Variants in GRM3 observed in about 807,000 individuals in gnomAD.
GRM3 encodes glutamate metabotropic receptor 3, also known as metabotropic glutamate receptor 3.
A neutral mutation model predicts 70.5 loss-of-function variants in GRM3; 26 were observed. The observed-to-expected ratio is 0.37, with a 90% CI of 0.27 to 0.51. The LOEUF (loss-of-function observed/expected upper bound fraction) is 0.51. GRM3 is among the 20% of genes least tolerant of loss of function. The pLI, the probability that GRM3 is intolerant of heterozygous loss-of-function variation, is 0.93. For missense variants in GRM3, 859 were observed against 1,123.8 expected, an observed-to-expected ratio of 0.76 and a Z score of 3.37; for synonymous variants, 443 against 434.9, an observed-to-expected ratio of 1.02 and a Z score of -0.23.
chr7:86,799,397 TAG>T lies in GRM3; in HGVS notation c.1324+12290_1324+12291del, dbSNP rs113991571. Among the ~76,000 whole-genome samples, 10 of 152,240 alleles carry T rather than the reference TAG, an allele frequency of 6.6e-5. 1 individual carries two copies. Among genetic ancestry groups the T allele is most frequent in the African/African-American group, 2.4e-4 (10 of 41,518 alleles). On this transcript the variant is annotated intron_variant, in intron 3 of 5. Transcript: ENST00000361669. ...CTTCCAATAATATGTTTGATAGGAG[TAG>T]AGAGAGAGGGCATCCTTGTCTTGTG...
chr7:86,645,668 A>C (rs1431509785), intron 1 of GRM3, among the ~76,000 whole-genome samples: 1 of 152,148 alleles, frequency 6.6e-6, no homozygotes, highest in Non-Finnish European at 1.5e-5. Flanking sequence ...CAACACTTTT[A>C]GGTAAATATA....
chr7:86,767,686 T>TTA (rs1215252945), intron 2 of GRM3, among the ~76,000 whole-genome samples: 1 of 151,672 alleles, frequency 6.6e-6, no homozygotes, highest in Non-Finnish European at 1.5e-5. Flanking sequence ...TAGTAAGGGC[T>TTA]TATATATATG....
intron 2 of GRM3, among the ~76,000 whole-genome samples, chr7:86,771,579 T>C (rs567574199): frequency 1.3e-5 from 2 of 152,126 alleles, no homozygotes; most frequent in African/African-American, 2.4e-5. Flanking sequence ...CATTATTCTA[T>C]AGAACATTAT....
rs902057364 is a variant in GRM3, at chr7:86,779,418, G to A, written c.469-6843G>A. 1.3e-4 allele frequency among the ~76,000 whole-genome samples: 20 copies of A among 151,062 alleles called. 1 individual carries two copies. The highest frequency in any genetic ancestry group is 3.4e-3 in the Middle Eastern group (1 of 290). Reference sequence around the variant, plus strand: ...CCCCGTCGTGTGTGCATGTGCACACGTGCGCACACACACACACACACAAAC... The same window carrying A: ...CCCCGTCGTGTGTGCATGTGCACACATGCGCACACACACACACACACAAAC... On this transcript the variant is annotated intron_variant, in intron 2 of 5. Transcript: ENST00000361669.
Position 86,704,167 on chromosome 7 carries a change from C to T in GRM3, c.-141+59295C>T, listed in dbSNP as rs543887112. Among the ~76,000 whole-genome samples the T allele has an allele frequency of 1.1e-4, 16 of 152,026 alleles. No homozygotes were observed. In the South Asian group the frequency reaches 3.3e-3, roughly 32 times the overall value. On this transcript the variant is annotated intron_variant, in intron 1 of 5. Transcript: ENST00000361669. The stretch of plus-strand genomic sequence containing the variant: ...CCAAATATTTTCATATTATGTATTA[C>T]TAAAAAGTACTAGCGTTTTTCTCAT...
chr7:86,713,269 A>G (rs1025588198), intron 1 of GRM3, among the ~76,000 whole-genome samples: 2 of 151,960 alleles, frequency 1.3e-5, no homozygotes, highest in Non-Finnish European at 2.9e-5. Flanking sequence ...AGCCTTTTGT[A>G]TGTCTTCTTT....
At chr7:86,777,827 C>A (rs1347092840) in intron 2 of GRM3, among the ~76,000 whole-genome samples, 2 of 152,116 alleles carry the variant, frequency 1.3e-5, no homozygotes, top group Non-Finnish European at 2.9e-5. Flanking sequence ...GTTTAAAATA[C>A]AAGCCAATCT....
chr7:86,737,945 C>T (rs868087524), intron 1 of GRM3, among the ~76,000 whole-genome samples: 17 of 152,302 alleles, frequency 1.1e-4, no homozygotes, highest in South Asian at 2.1e-4. Flanking sequence ...ATCTATTGTG[C>T]ACATTCCCCT....
chr7:86,804,983 G>C (rs560134852), intron 3 of GRM3, among the ~76,000 whole-genome samples: 2 of 152,064 alleles, frequency 1.3e-5, no homozygotes, highest in Non-Finnish European at 2.9e-5. Context: ...GCATGGTGGA[G>C]CATGCCTGTA....
At chr7:86,698,594 C>CAT (rs1023554834) in intron 1 of GRM3, among the ~76,000 whole-genome samples, 2 of 148,362 alleles carry the variant, frequency 1.3e-5, no homozygotes, top group Admixed American at 6.8e-5. Flanking sequence ...CACACACACA[C>CAT]ATATATATAA....
chr7:86,811,513 A>G (rs1797908042), intron 3 of GRM3, among the ~76,000 whole-genome samples: 1 of 151,804 alleles, frequency 6.6e-6, no homozygotes, highest in Non-Finnish European at 1.5e-5. Flanking sequence ...GCAGCAGCTT[A>G]GATGACACTA....
At chr7:86,652,338 G>T (rs1221425191) in intron 1 of GRM3, among the ~76,000 whole-genome samples, 1 of 151,900 alleles carries the variant, frequency 6.6e-6, no homozygotes, top group African/African-American at 2.4e-5. Flanking sequence ...TGTTGTTGTT[G>T]TTCTTTTTTT....
rs546888523 is a variant in GRM3, at chr7:86,793,683, G to A, written c.1324+6567G>A. 1.6e-4 allele frequency among the ~76,000 whole-genome samples: 24 copies of A among 152,260 alleles called. No individual in the cohort carries two copies. The South Asian group carries it at 5.0e-3, about 32-fold the overall frequency. On this transcript the variant is annotated intron_variant, in intron 3 of 5. Coordinates refer to ENST00000361669, the MANE Select transcript of GRM3 (RefSeq NM_000840.3). ...TGCATCTGTGCTTTGGTGTCTTAGA[G>A]GCTTGAGAAATGATTCCCATTTTAA...
intron 3 of GRM3, among the ~76,000 whole-genome samples, chr7:86,822,492 G>T (rs754099691): frequency 6.6e-6 from 1 of 151,998 alleles, no homozygotes; most frequent in Non-Finnish European, 1.5e-5. Flanking sequence ...GTACAGAGAA[G>T]AAAGGGCATA....
At chr7:86,766,379 A>G (rs1261325270) in intron 2 of GRM3, among the ~76,000 whole-genome samples, 1 of 151,238 alleles carries the variant, frequency 6.6e-6, no homozygotes, top group Non-Finnish European at 1.5e-5. Context: ...GATTACTACC[A>G]TTAAAAAAAA....
At chr7:86,676,759 A>G (rs899386192) in intron 1 of GRM3, among the ~76,000 whole-genome samples, 1 of 152,022 alleles carries the variant, frequency 6.6e-6, no homozygotes, top group African/African-American at 2.4e-5. Flanking sequence ...GAAGTTGGGC[A>G]ATAATGCAGG....
chr7:86,765,884 T>A lies in GRM3; in HGVS notation c.468+271T>A, dbSNP rs76729779. On this transcript the variant is annotated intron_variant, in intron 2 of 5. Transcript: ENST00000361669. Reference sequence around the variant, plus strand: ...TCAAATAAGAATATTATTTATTAGTTTACAAGTCTAAAGATCAGATGCTGT... The same window carrying A: ...TCAAATAAGAATATTATTTATTAGTATACAAGTCTAAAGATCAGATGCTGT... Among the ~76,000 whole-genome samples, 1,314 of 152,198 alleles carry A rather than the reference T, an allele frequency of 8.6e-3. 15 individuals are homozygous for A. The highest frequency in any genetic ancestry group is 0.03 in the African/African-American group (1,232 of 41,514).
intron 3 of GRM3, among the ~76,000 whole-genome samples, chr7:86,817,391 C>T (rs535935467): frequency 9.2e-5 from 14 of 151,790 alleles, no homozygotes; most frequent in East Asian, 1.9e-4. Context: ...TTCAATGAGG[C>T]GGATCAAAGC....
chr7:86,771,257 T>A (rs1796732599), intron 2 of GRM3, among the ~76,000 whole-genome samples: 2 of 152,122 alleles, frequency 1.3e-5, no homozygotes, highest in African/African-American at 4.8e-5. Context: ...TAATTATATG[T>A]CACTTTATGA....
Sources: allele counts gnomAD v4.1 joint callset (sites outside exome capture counted in the v4.1 genomes callset), GRCh38; gene constraint gnomAD v4.1.1; transcripts MANE v1.5; gene names NCBI Gene and HGNC (gene_info 2026-07-23, HGNC 2026-07-21).